Variants in DOCK3 observed in about 807,000 individuals in gnomAD.
DOCK3 encodes dedicator of cytokinesis 3.
A neutral mutation model predicts 265.6 loss-of-function variants in DOCK3; 60 were observed. That is an observed-to-expected ratio of 0.23 (90% confidence interval 0.18 to 0.28). The LOEUF (loss-of-function observed/expected upper bound fraction) is 0.28. DOCK3 is among the 10% of genes least tolerant of loss of function. DOCK3 has a pLI of 1.00. For synonymous variants in DOCK3, 881 were observed against 938.0 expected (o/e 0.94, Z 1.11); for missense variants, 1,981 against 2,594.3 (o/e 0.76, Z 5.14).
intron 12 of DOCK3, among the ~76,000 whole-genome samples, chr3:51,184,340 A>G (rs899259054): frequency 6.6e-6 from 1 of 151,866 alleles, no homozygotes; most frequent in Non-Finnish European, 1.5e-5. Context: ...AGAAAGAAAA[A>G]AAACCAGGGC....
At chr3:50,912,632 G>A (rs1292483672) in intron 4 of DOCK3, among the ~76,000 whole-genome samples, 2 of 152,092 alleles carry the variant, frequency 1.3e-5, no homozygotes, top group South Asian at 2.1e-4. Flanking sequence ...GTGCTATGTA[G>A]TTGAGCTGTT....
chr3:51,193,018 A>G (rs1397935103), intron 12 of DOCK3, among the ~76,000 whole-genome samples: 1 of 152,134 alleles, frequency 6.6e-6, no homozygotes, highest in Non-Finnish European at 1.5e-5. Flanking sequence ...AGGCTTTCAG[A>G]TATTTCCCTA....
intron 9 of DOCK3, among the ~76,000 whole-genome samples, chr3:51,125,214 A>G (rs1219735896): frequency 6.6e-6 from 1 of 152,186 alleles, no homozygotes; most frequent in Non-Finnish European, 1.5e-5. Flanking sequence ...TATATTTTCA[A>G]TGTTTCTAAA....
intron 5 of DOCK3, among the ~76,000 whole-genome samples, chr3:50,993,432 GATATAA>G (rs1479933758): frequency 6.6e-6 from 1 of 152,134 alleles, no homozygotes; most frequent in Non-Finnish European, 1.5e-5. Flanking sequence ...TCAGCAAGGA[GATATAA>G]ATAGCTCAGC....
At chr3:51,305,834 CTTTTTTTTTTTTT>C (rs761039681) in intron 27 of DOCK3, among the ~76,000 whole-genome samples, 1 of 50,554 alleles carries the variant, frequency 2.0e-5, no homozygotes, top group Non-Finnish European at 3.2e-5. Flanking sequence ...ATTTCTTCTT[CTTTTTTTTTTTTT>C]TTTTTTTTTG....
intron 1 of DOCK3, among the ~76,000 whole-genome samples, chr3:50,763,903 T>C (rs1256305731): frequency 6.6e-6 from 1 of 152,184 alleles, no homozygotes; most frequent in Admixed American, 6.5e-5. Context: ...TGTATACAAC[T>C]CTTAGAGCAC....
chr3:50,722,922 C>A (rs989677031), intron 1 of DOCK3, among the ~76,000 whole-genome samples: 2 of 152,002 alleles, frequency 1.3e-5, no homozygotes, highest in African/African-American at 4.8e-5. Flanking sequence ...CAGGCACATG[C>A]CACCACACCC....
At chr3:50,949,159 G>A (rs1209166236) in intron 5 of DOCK3, among the ~76,000 whole-genome samples, 1 of 152,082 alleles carries the variant, frequency 6.6e-6, no homozygotes, top group Non-Finnish European at 1.5e-5. Context: ...AAAGAAAAAA[G>A]CTGACGTTTT....
intron 2 of DOCK3, among the ~76,000 whole-genome samples, chr3:50,780,342 G>A (rs1400376404): frequency 6.6e-6 from 1 of 152,154 alleles, no homozygotes; most frequent in East Asian, 1.9e-4. Flanking sequence ...CTATAAAGGA[G>A]TACCTGAGGC....
At chr3:50,907,055 G>T in intron 4 of DOCK3, among the ~76,000 whole-genome samples, 1 of 152,040 alleles carries the variant, frequency 6.6e-6, no homozygotes, top group Non-Finnish European at 1.5e-5. Context: ...TTTCCATGTA[G>T]TTGAGTGGTT....
chr3:50,755,099 C>A (rs1025601894), intron 1 of DOCK3, among the ~76,000 whole-genome samples: 1 of 152,102 alleles, frequency 6.6e-6, no homozygotes, highest in Non-Finnish European at 1.5e-5. Context: ...CTTGTAAGCT[C>A]AAAAAATTGC....
intron 5 of DOCK3, among the ~76,000 whole-genome samples, chr3:50,951,086 T>C (rs1015905185): frequency 6.6e-6 from 1 of 152,194 alleles, no homozygotes; most frequent in Non-Finnish European, 1.5e-5. Flanking sequence ...GAAGTAGCCC[T>C]CATTTATTGA....
chr3:50,675,480 G>C lies in DOCK3; in HGVS notation c.37+180G>C, dbSNP rs1350540616. Among the ~76,000 whole-genome samples the C allele has an allele frequency of 6.6e-6, 1 of 151,806 alleles. No individual in the cohort carries two copies. The highest frequency in any genetic ancestry group is 1.5e-5 in the Non-Finnish European group (1 of 67,888). On this transcript the variant is annotated intron_variant, in intron 1 of 52. Coordinates refer to ENST00000266037, the MANE Select transcript of DOCK3 (RefSeq NM_004947.5). The surrounding 1 kb of genome is among the most constrained non-coding windows in gnomAD (Gnocchi z 6.1). The stretch of plus-strand genomic sequence containing the variant: ...CGGGTGCGGGTGCGGGGGTGGGCGC[G>C]GGTCTCTGTGCAGAGAGGGCGGCAG...
At chr3:50,981,193 T>C (rs1478913802) in intron 5 of DOCK3, among the ~76,000 whole-genome samples, 2 of 152,226 alleles carry the variant, frequency 1.3e-5, no homozygotes, top group Non-Finnish European at 2.9e-5. Context: ...TTTTCATTTC[T>C]TTATTGACCC....
intron 1 of DOCK3, among the ~76,000 whole-genome samples, chr3:50,775,610 A>G (rs1011903587): frequency 3.3e-5 from 5 of 152,028 alleles, no homozygotes; most frequent in African/African-American, 9.7e-5. Flanking sequence ...ATTTTTTTCA[A>G]TAGTTTTGAG....
At chr3:51,095,851 CAAAAAAAAAAA>C (rs71278627) in intron 9 of DOCK3, among the ~76,000 whole-genome samples, 4 of 9,806 alleles carry the variant, frequency 4.1e-4, no homozygotes, top group Admixed American at 5.8e-3. Flanking sequence ...ATAAGGTTAG[CAAAAAAAAAAA>C]AAAAAAAAAA....
chr3:51,256,587 G>GTT (rs369826497), intron 22 of DOCK3, among the ~76,000 whole-genome samples: 7 of 135,588 alleles, frequency 5.2e-5, no homozygotes, highest in African/African-American at 1.9e-4. Flanking sequence ...TTGAGTTTTC[G>GTT]TTTTTGTTTT....
intron 42 of DOCK3, 60 bp from the exon 43 acceptor site, chr3:51,356,347 G>A (rs1459311769): frequency 6.2e-6 from 10 of 1,611,994 alleles, no homozygotes; most frequent in African/African-American, 1.3e-5. Context: ...TATCCCTCAG[G>A]TAGGCAGGGT....
At chr3:51,256,889 C>T (rs2079580390) in intron 22 of DOCK3, among the ~76,000 whole-genome samples, 1 of 152,188 alleles carries the variant, frequency 6.6e-6, no homozygotes, top group Non-Finnish European at 1.5e-5. Flanking sequence ...GCCATTGCAC[C>T]CATCCCCAAG....
Sources: gnomAD v4.1 joint callset for allele counts (sites outside exome capture counted in the v4.1 genomes callset) on GRCh38, gnomAD v4.1.1 for gene constraint, Gnocchi (gnomAD v3.1) non-coding constraint, MANE v1.5 for transcripts, NCBI Gene and HGNC (gene_info 2026-07-23, HGNC 2026-07-21) for gene names.